NYAP2: variants seen among roughly 807,000 people sequenced by gnomAD.
The protein encoded by NYAP2 is neuronal tyrosine-phosphorylated phosphoinositide-3-kinase adapter 2.
In NYAP2, 23 loss-of-function variants were observed where a neutral mutation model predicts 50.4. That is an observed-to-expected ratio of 0.46 (90% CI 0.33 to 0.65). The LOEUF (loss-of-function observed/expected upper bound fraction) is 0.65, where lower values mean the gene tolerates loss of function less well. Ranked by LOEUF, NYAP2 falls within the 30% of genes least tolerant of loss-of-function variation. The probability of loss-of-function intolerance (pLI) is 0.02; values close to 1 mark genes in which losing one functional copy is unlikely to be tolerated. For synonymous variants in NYAP2, 394 were observed against 365.2 expected (o/e 1.08, Z -0.90); for missense variants, 885 against 861.0 (o/e 1.03, Z -0.35).
At chr2:225,515,354 A>G (rs1690909386) in intron 4 of NYAP2, among the ~76,000 whole-genome samples, 1 of 152,206 alleles carries the variant, frequency 6.6e-6, no homozygotes, top group African/African-American at 2.4e-5. Context: ...CAATTTGTCA[A>G]GAAACAACTT....
intron 4 of NYAP2, among the ~76,000 whole-genome samples, chr2:225,515,369 A>C: frequency 6.6e-6 from 1 of 152,184 alleles, no homozygotes; most frequent in Admixed American, 6.5e-5. Flanking sequence ...CAACTTTAAC[A>C]GAGAGAAGTG....
At chr2:225,686,755 T>C in the NYAP2 span, among the ~76,000 whole-genome samples, 1 of 152,124 alleles carries the variant, frequency 6.6e-6, no homozygotes, top group Admixed American at 6.5e-5. Flanking sequence ...GGAGCAGACA[T>C]AGTGATTACA....
chr2:225,469,065 T>A (rs552995875), intron 3 of NYAP2, among the ~76,000 whole-genome samples: 1 of 152,306 alleles, frequency 6.6e-6, no homozygotes, highest in South Asian at 2.1e-4. Flanking sequence ...GAAACTATCA[T>A]CAGCGTGAAC....
chr2:225,472,222 C>T (rs1224090234), intron 3 of NYAP2, among the ~76,000 whole-genome samples: 2 of 152,194 alleles, frequency 1.3e-5, no homozygotes, highest in Non-Finnish European at 2.9e-5. Flanking sequence ...AATACATCAC[C>T]TTTGATGTCA....
At chr2:225,434,869 T>C (rs945987117) in intron 3 of NYAP2, among the ~76,000 whole-genome samples, 6 of 152,216 alleles carry the variant, frequency 3.9e-5, no homozygotes, top group African/African-American at 1.2e-4. Context: ...GATATATATA[T>C]AATTAGACTT....
At chr2:225,561,769 T>C (rs1156658120) in intron 4 of NYAP2, among the ~76,000 whole-genome samples, 3 of 152,190 alleles carry the variant, frequency 2.0e-5, no homozygotes, top group Non-Finnish European at 4.4e-5. Flanking sequence ...AATGATTCTT[T>C]TTTATTTTAG....
At chr2:225,598,378 A>G (rs1307781079) in intron 5 of NYAP2, among the ~76,000 whole-genome samples, 1 of 152,238 alleles carries the variant, frequency 6.6e-6, no homozygotes, top group Admixed American at 6.5e-5. Context: ...AGCTATAGGT[A>G]TTAACCAAAT....
chr2:225,696,049 T>C, the NYAP2 span, among the ~76,000 whole-genome samples: 1 of 151,998 alleles, frequency 6.6e-6, no homozygotes, highest in African/African-American at 2.4e-5. Context: ...ACAAATTTAG[T>C]TGTATTTTTG....
intron 5 of NYAP2, among the ~76,000 whole-genome samples, chr2:225,583,704 A>G (rs1692340351): frequency 6.6e-6 from 1 of 152,156 alleles, no homozygotes; most frequent in Non-Finnish European, 1.5e-5. Context: ...ACATTCAAAC[A>G]TGCAATTGAT....
At chr2:225,649,466 A>C (rs1693694013) in intron 6 of NYAP2, among the ~76,000 whole-genome samples, 1 of 152,176 alleles carries the variant, frequency 6.6e-6, no homozygotes, top group South Asian at 2.1e-4. Context: ...GGATACTCTG[A>C]TAAATGATAT....
At position 225,406,193 on chromosome 2, in the gene NYAP2, G is replaced by A. The variant is rs570513510; in HGVS notation, c.-17-2671G>A. Among the ~76,000 whole-genome samples, 6 of 151,690 alleles carry A rather than the reference G, an allele frequency of 4.0e-5. 1 individual carries two copies. The highest frequency in any genetic ancestry group is 4.0e-4 in the Admixed American group (6 of 15,172). ...TAGAGCTAGAGGTGCCTTCACTGGG[G>A]TTTCTAGGCCATTCTGCCAGCCTCC... is the stretch of plus-strand genomic sequence containing the variant. On this transcript the variant is annotated intron_variant, in intron 2 of 6. Coordinates refer to ENST00000636099, the Ensembl canonical transcript of NYAP2.
chr2:225,689,999 T>C, the NYAP2 span, among the ~76,000 whole-genome samples: 1 of 152,132 alleles, frequency 6.6e-6, no homozygotes. Flanking sequence ...TATTTTGGTA[T>C]TGCCCACTTA....
chr2:225,601,510 A>G (rs946689470), intron 5 of NYAP2, among the ~76,000 whole-genome samples: 1 of 152,148 alleles, frequency 6.6e-6, no homozygotes, highest in African/African-American at 2.4e-5. Context: ...TCCCACCAGC[A>G]ATGCACAAAA....
intron 5 of NYAP2, among the ~76,000 whole-genome samples, chr2:225,607,032 T>C (rs1431213736): frequency 6.6e-6 from 1 of 152,092 alleles, no homozygotes; most frequent in Non-Finnish European, 1.5e-5. Flanking sequence ...TTTAAGAATA[T>C]TGGACTTCAG....
chr2:225,542,252 C>G (rs1691487430), intron 4 of NYAP2, among the ~76,000 whole-genome samples: 1 of 151,936 alleles, frequency 6.6e-6, no homozygotes, highest in South Asian at 2.1e-4. Context: ...AGTTGGATGC[C>G]TTTTATTTAG....
intron 3 of NYAP2, among the ~76,000 whole-genome samples, chr2:225,412,255 CTTTTTTTTTT>C (rs560637948): frequency 0.017 from 979 of 59,178 alleles, 32 homozygotes; most frequent in Non-Finnish European, 0.024. Flanking sequence ...CTGCGCCCGG[CTTTTTTTTTT>C]TTTTTTTTTT....
chr2:225,650,013 A>C (rs1693702977), intron 6 of NYAP2, among the ~76,000 whole-genome samples: 1 of 152,216 alleles, frequency 6.6e-6, no homozygotes, highest in African/African-American at 2.4e-5. Context: ...TAGTTCCCTT[A>C]GGAGAATAAT....
At chr2:225,519,316 C>T (rs968730441) in intron 4 of NYAP2, among the ~76,000 whole-genome samples, 1 of 151,378 alleles carries the variant, frequency 6.6e-6, no homozygotes, top group Non-Finnish European at 1.5e-5. Flanking sequence ...TACATGCGCA[C>T]AATGTGCAGG....
chr2:225,441,948 G>A (rs187560091), intron 3 of NYAP2, among the ~76,000 whole-genome samples: 81 of 152,186 alleles, frequency 5.3e-4, no homozygotes, highest in African/African-American at 1.5e-3. Context: ...GTAAACAGTC[G>A]TCACTCCATA....
Sources: gnomAD v4.1 joint callset for allele counts (sites outside exome capture counted in the v4.1 genomes callset) on GRCh38, gnomAD v4.1.1 for gene constraint, MANE v1.5 for transcripts, NCBI Gene and HGNC (gene_info 2026-07-23, HGNC 2026-07-21) for gene names.